OSBPL5: variants seen among roughly 807,000 people sequenced by gnomAD.
OSBPL5 encodes the protein oxysterol binding protein like 5.
A neutral mutation model predicts 111.2 loss-of-function variants in OSBPL5; 71 were observed. That is an observed-to-expected ratio of 0.64 (90% confidence interval 0.53 to 0.78). The LOEUF (loss-of-function observed/expected upper bound fraction) is 0.78. Among genes scored for constraint, OSBPL5 ranks in the 30% least tolerant of loss-of-function variants. The probability of loss-of-function intolerance (pLI) is 0.00; values close to 1 mark genes in which losing one functional copy is unlikely to be tolerated. For missense variants in OSBPL5, 1,210 were observed against 1,189.3 expected, an observed-to-expected ratio of 1.02 and a Z score of -0.26; for synonymous variants, 549 against 513.9, an observed-to-expected ratio of 1.07 and a Z score of -0.93.
At chr11:3,095,328 A>T (rs967647552) in intron 14 of OSBPL5, among the ~76,000 whole-genome samples, 1 of 150,122 alleles carries the variant, frequency 6.7e-6, no homozygotes, top group African/African-American at 2.5e-5. Flanking sequence ...AAAAAAAAAA[A>T]GAAAAGAAAA....
intron 5 of OSBPL5, 36 bp from the exon 6 acceptor site, chr11:3,120,660 T>C (rs1252127385): frequency 6.2e-7 from 1 of 1,602,042 alleles, no homozygotes; most frequent in Admixed American, 1.7e-5. Context: ...GCCCACCCTC[T>C]GGGGCCGCCA....
At chr11:3,103,668 C>T (rs1296313711) in intron 10 of OSBPL5, among the ~76,000 whole-genome samples, 1 of 149,806 alleles carries the variant, frequency 6.7e-6, no homozygotes, top group Non-Finnish European at 1.5e-5. Flanking sequence ...GCCTCTGTTG[C>T]CCCCTTCCAG....
intron 1 of OSBPL5, among the ~76,000 whole-genome samples, chr11:3,133,097 G>A (rs1293203455): frequency 6.6e-6 from 1 of 152,226 alleles, no homozygotes; most frequent in Non-Finnish European, 1.5e-5. Flanking sequence ...ATTTCCACTG[G>A]AACCCTAGTG....
At position 3,092,876 on chromosome 11, in the gene OSBPL5, C is replaced by CTCGTATCG. The variant is rs940308302; in HGVS notation, c.2122_2123insCGATACGA (p.Arg708ProfsTer14). 1 of 1,543,434 alleles carries CTCGTATCG rather than the reference C, an allele frequency of 6.5e-7. No homozygotes were observed. Among genetic ancestry groups the CTCGTATCG allele is most frequent in the African/African-American group, 1.4e-5 (1 of 73,304 alleles). On this transcript the variant is annotated frameshift_variant, in exon 18 of 22. Coordinates refer to ENST00000263650, the MANE Select transcript of OSBPL5 (RefSeq NM_020896.4). LOFTEE classifies it high-confidence loss of function. This position sits in a 1 kb window ranked among gnomAD's most constrained non-coding sequence, Gnocchi z 5.4. ...CTTTGTCGGCACTCACTCCTCGTAT[C>CTCGTATCG]GGTAGTGCCACTCCTGGGTGATGGG...
At chr11:3,103,807 TCTTCCTGCCTGCGC>T (rs1564830354) in intron 10 of OSBPL5, among the ~76,000 whole-genome samples, 15 of 44,466 alleles carry the variant, frequency 3.4e-4, no homozygotes, top group South Asian at 1.9e-3. Context: ...TCTGCAGCCC[TCTTCCTGCCTGCGC>T]AGCCCCCTTC....
chr11:3,132,900 A>G (rs1845850893), intron 1 of OSBPL5, among the ~76,000 whole-genome samples: 1 of 152,106 alleles, frequency 6.6e-6, no homozygotes, highest in South Asian at 2.1e-4. Context: ...GGTGCTTCCC[A>G]TGTGTTTGGA....
intron 6 of OSBPL5, among the ~76,000 whole-genome samples, 172 bp downstream of exon 6, chr11:3,120,249 A>G (rs1858355568): frequency 6.6e-6 from 1 of 152,168 alleles, no homozygotes; most frequent in African/African-American, 2.4e-5. Flanking sequence ...ATGGAGCACC[A>G]GTGGCCATAT....
chr11:3,108,373 A>G (rs59014768), intron 7 of OSBPL5, among the ~76,000 whole-genome samples: 9,898 of 152,170 alleles, frequency 0.065, 496 homozygotes, highest in South Asian at 0.13. Flanking sequence ...GGCCACCCAC[A>G]GGTTTCTGCA....
At chr11:3,122,878 TGA>T (rs1354020500) in intron 3 of OSBPL5, among the ~76,000 whole-genome samples, 18 of 152,084 alleles carry the variant, frequency 1.2e-4, no homozygotes, top group Non-Finnish European at 2.1e-4. Flanking sequence ...GCGGCGGCCA[TGA>T]GATGGTGGCA....
intron 7 of OSBPL5, among the ~76,000 whole-genome samples, chr11:3,118,612 C>A (rs1465728523): frequency 6.7e-6 from 1 of 148,446 alleles, no homozygotes; most frequent in African/African-American, 2.5e-5. Flanking sequence ...CCCTCTGTCA[C>A]CCAGGCTGGA....
rs979816508 is a variant in OSBPL5 at position 3,162,623 on chromosome 11, T to C, written c.-22+2593A>G. On this transcript the variant is annotated intron_variant, in intron 1 of 21. Transcript: ENST00000263650. This position sits in a 1 kb window ranked among gnomAD's most constrained non-coding sequence, Gnocchi z 8.1. ...ACCACTCTCCGGAGCAGCTTCACTA[T>C]CTGCCCATACATCTCCACGGGAAAG... 6.6e-6 allele frequency among the ~76,000 whole-genome samples: 1 copy of C among 151,916 alleles called. No homozygotes were observed. The highest frequency in any genetic ancestry group is 2.4e-5 in the African/African-American group (1 of 41,334).
chr11:3,104,434 GC>G lies in OSBPL5; in HGVS notation c.1060-58del. 1 of 1,573,534 alleles carries G rather than the reference GC, an allele frequency of 6.4e-7. No individual in the cohort carries two copies. Among genetic ancestry groups the G allele is most frequent in the Non-Finnish European group, 8.6e-7 (1 of 1,165,206 alleles). ...CCGGAAGAGCCGGGAGGAAGGGGTG[GC>G]GGGACAGTGGCAGCTCTGGCTGGAG... On this transcript the variant is annotated intron_variant, in intron 9 of 21. Coordinates refer to ENST00000263650, the MANE Select transcript of OSBPL5 (RefSeq NM_020896.4). The surrounding 1 kb of genome is among the most constrained non-coding windows in gnomAD (Gnocchi z 5.0).
At chr11:3,129,834 C>G (rs962563295) in intron 1 of OSBPL5, among the ~76,000 whole-genome samples, 2 of 152,346 alleles carry the variant, frequency 1.3e-5, no homozygotes, top group African/African-American at 4.8e-5. Context: ...CAGCCCAAGA[C>G]GTTGCATTCC....
rs940610237 is a variant in OSBPL5, at chr11:3,109,529, A to G, written c.692-1584T>C. The stretch of plus-strand genomic sequence containing the variant: ...GTTTTTCTCCCTCACTTTGAGATCC[A>G]TTAAATCCTGCTCTTCGTGGGGCAT... On this transcript the variant is annotated intron_variant, in intron 7 of 21. Transcript: ENST00000263650. The surrounding 1 kb of genome is among the most constrained non-coding windows in gnomAD (Gnocchi z 7.4). Among the ~76,000 whole-genome samples the G allele has an allele frequency of 1.3e-5, 2 of 152,178 alleles. No homozygotes were observed. The highest frequency in any genetic ancestry group is 2.9e-5 in the Non-Finnish European group (2 of 68,024).
intron 10 of OSBPL5, among the ~76,000 whole-genome samples, chr11:3,103,881 T>TGCCTCTTCCTGCCTGCGC (rs1564830854): frequency 4.0e-5 from 2 of 49,824 alleles, no homozygotes; most frequent in African/African-American, 1.2e-4. Flanking sequence ...CCTGCCTCTG[T>TGCCTCTTCCTGCCTGCGC]AGCCCCATTC....
chr11:3,104,651 C>T lies in OSBPL5; in HGVS notation c.1060-274G>A, dbSNP rs1308857941. ...GCCCAGGGACCCCATGCCCTGCCCT[C>T]CTCAAAGTCCAGGGTGCAGCCTCCC... On this transcript the variant is annotated intron_variant, in intron 9 of 21. Coordinates refer to ENST00000263650, the MANE Select transcript of OSBPL5 (RefSeq NM_020896.4). This position sits in a 1 kb window ranked among gnomAD's most constrained non-coding sequence, Gnocchi z 5.0. Among the ~76,000 whole-genome samples the T allele has an allele frequency of 2.0e-5, 3 of 152,194 alleles. No homozygotes were observed.
intron 17 of OSBPL5, among the ~76,000 whole-genome samples, 176 bp from the exon 18 acceptor site, chr11:3,093,228 G>C (rs1371150694): frequency 6.6e-6 from 1 of 152,182 alleles, no homozygotes; most frequent in East Asian, 1.9e-4. Context: ...CATGAGATGG[G>C]TTTTTCCAAC....
intron 7 of OSBPL5, among the ~76,000 whole-genome samples, chr11:3,112,473 CTTT>C (rs556463241): frequency 2.1e-5 from 1 of 48,622 alleles, no homozygotes; most frequent in Non-Finnish European, 4.6e-5. Flanking sequence ...TTTGTGTTTT[CTTT>C]TCTTTTTTTT....
chr11:3,131,559 TCATTCATC>T (rs1858838876), intron 1 of OSBPL5, among the ~76,000 whole-genome samples: 1 of 75,166 alleles, frequency 1.3e-5, no homozygotes, highest in Non-Finnish European at 2.7e-5. Flanking sequence ...ACCCACCCAT[TCATTCATC>T]CATCCATCCA....
Sources: allele counts gnomAD v4.1 joint callset (sites outside exome capture counted in the v4.1 genomes callset), GRCh38; gene constraint gnomAD v4.1.1; non-coding constraint Gnocchi (gnomAD v3.1); transcripts MANE v1.5; gene names NCBI Gene and HGNC (gene_info 2026-07-23, HGNC 2026-07-21).